FOCAD: variants seen among roughly 807,000 people sequenced by gnomAD.
FOCAD encodes KIAA1797.
Under a neutral mutation model 225.6 loss-of-function variants are expected in FOCAD, and 198 were observed. The observed-to-expected ratio is 0.88, with a 90% CI of 0.78 to 0.99. FOCAD has a LOEUF of 0.99. Ranked by LOEUF, FOCAD falls within the 50% of genes least tolerant of loss-of-function variation. The pLI is 0.00. For missense variants in FOCAD, 2,713 were observed against 2,123.6 expected, an observed-to-expected ratio of 1.28 and a Z score of -5.46; for synonymous variants, 897 against 755.0, an observed-to-expected ratio of 1.19 and a Z score of -3.08.
chr9:20,730,836 TCTTA>T (rs1215273437), intron 4 of FOCAD, among the ~76,000 whole-genome samples: 3 of 152,180 alleles, frequency 2.0e-5, no homozygotes, highest in Non-Finnish European at 4.4e-5. Flanking sequence ...AATATTTCTC[TCTTA>T]CTTTTCTTAT....
chr9:20,829,646 T>C (rs909985910), intron 15 of FOCAD, among the ~76,000 whole-genome samples: 1 of 152,102 alleles, frequency 6.6e-6, no homozygotes, highest in African/African-American at 2.4e-5. Flanking sequence ...CTGATGCCTC[T>C]AAGTAAGAGA....
At chr9:20,742,218 C>T (rs777779271) in intron 5 of FOCAD, among the ~76,000 whole-genome samples, 2 of 152,138 alleles carry the variant, frequency 1.3e-5, no homozygotes, top group Non-Finnish European at 2.9e-5. Flanking sequence ...AACATGGTAA[C>T]GATCAAATAC....
chr9:20,956,598 C>T (rs1478126122), intron 35 of FOCAD, among the ~76,000 whole-genome samples: 1 of 152,104 alleles, frequency 6.6e-6, no homozygotes, highest in African/African-American at 2.4e-5. Context: ...ATAACTAGCA[C>T]CCATGTCTTC....
intron 37 of FOCAD, 125 bp downstream of exon 37, chr9:20,978,579 G>A: frequency 1.7e-6 from 1 of 571,908 alleles, no homozygotes; most frequent in Non-Finnish European, 2.9e-6. Flanking sequence ...AAAAATCGAG[G>A]GTTTGATAGT....
chr9:20,820,389 C>T lies in FOCAD; in HGVS notation c.1626C>T (p.Val542=), dbSNP rs748185316. 1 of 1,612,884 alleles carries T rather than the reference C, an allele frequency of 6.2e-7. No homozygotes were observed. Among genetic ancestry groups the T allele is most frequent in the Non-Finnish European group, 8.5e-7 (1 of 1,179,314 alleles). Residue 542 remains valine, a synonymous_variant, in exon 13 of 44, where the codon GTC becomes GTT. Coordinates refer to ENST00000338382, the MANE Select transcript of FOCAD (RefSeq NM_001375567.1). ...LLGTTPRLRA[V]TLRLLTSLWE... ...GAACCACACCACGACTAAGAGCTGT[C>T]ACTTTGCGCTTGCTGACATCTTTGT...
chr9:20,959,478 C>T (rs1838501992), intron 35 of FOCAD, among the ~76,000 whole-genome samples: 1 of 152,080 alleles, frequency 6.6e-6, no homozygotes, highest in South Asian at 2.1e-4. Flanking sequence ...TTTCTCCATT[C>T]CACAGGTTGT....
intron 27 of FOCAD, 73 bp downstream of exon 27, chr9:20,929,669 C>T (rs773702113): frequency 2.7e-5 from 33 of 1,221,968 alleles, no homozygotes; most frequent in Non-Finnish European, 3.9e-5. Flanking sequence ...CCATATGCAC[C>T]TATATATAAA....
intron 12 of FOCAD, 66 bp downstream of exon 12, chr9:20,819,966 T>C (rs1325333472): frequency 2.0e-5 from 20 of 1,006,026 alleles, no homozygotes; most frequent in East Asian, 1.9e-4. Context: ...GAATTCTTTT[T>C]GGTATTATGA....
At chr9:20,991,552 C>T (rs1419943118) in intron 42 of FOCAD, among the ~76,000 whole-genome samples, 1 of 152,166 alleles carries the variant, frequency 6.6e-6, no homozygotes, top group East Asian at 1.9e-4. Flanking sequence ...GTGGCTCACA[C>T]CTAGAATCCC....
chr9:20,964,728 C>T (rs201895203), intron 35 of FOCAD, among the ~76,000 whole-genome samples: 1 of 152,034 alleles, frequency 6.6e-6, no homozygotes, highest in Admixed American at 6.5e-5. Flanking sequence ...TAGAGACAGG[C>T]TTTCACCATG....
chr9:20,806,140 G>A (rs901253341), intron 11 of FOCAD, among the ~76,000 whole-genome samples: 3 of 152,166 alleles, frequency 2.0e-5, no homozygotes, highest in African/African-American at 4.8e-5. Flanking sequence ...ACCATTTAGT[G>A]TGTACCAAAT....
intron 35 of FOCAD, among the ~76,000 whole-genome samples, chr9:20,967,541 C>T (rs534201723): frequency 1.3e-5 from 2 of 152,154 alleles, no homozygotes; most frequent in Admixed American, 6.5e-5. Context: ...ACATCCAGTA[C>T]AAAGTGGTGA....
intron 5 of FOCAD, among the ~76,000 whole-genome samples, chr9:20,754,707 T>C (rs1300875679): frequency 6.6e-6 from 1 of 152,152 alleles, no homozygotes; most frequent in Admixed American, 6.6e-5. Flanking sequence ...TTGATTGTCA[T>C]GACTAGGAGA....
chr9:20,722,582 A>G (rs908690904), intron 4 of FOCAD, among the ~76,000 whole-genome samples: 1 of 152,256 alleles, frequency 6.6e-6, no homozygotes, highest in African/African-American at 2.4e-5. Flanking sequence ...ATATTTCTGA[A>G]TAAGTGAAGG....
At chr9:20,904,386 T>G (rs1008738346) in intron 21 of FOCAD, among the ~76,000 whole-genome samples, 1 of 151,966 alleles carries the variant, frequency 6.6e-6, no homozygotes, top group African/African-American at 2.4e-5. Context: ...AGCACTTACT[T>G]TGGTCTTTAC....
At chr9:20,853,018 G>C (rs931250739) in intron 15 of FOCAD, among the ~76,000 whole-genome samples, 1 of 151,594 alleles carries the variant, frequency 6.6e-6, no homozygotes, top group East Asian at 1.9e-4. Flanking sequence ...GATTATTGTG[G>C]GGGAATAAAG....
chr9:20,789,095 T>G (rs908599095), intron 10 of FOCAD, among the ~76,000 whole-genome samples: 16 of 152,182 alleles, frequency 1.1e-4, no homozygotes, highest in African/African-American at 3.9e-4. Context: ...ATATTCTGCC[T>G]TAATGGGGAA....
At chr9:20,939,140 A>G (rs562987820) in intron 28 of FOCAD, among the ~76,000 whole-genome samples, 1 of 146,000 alleles carries the variant, frequency 6.8e-6, no homozygotes, top group African/African-American at 2.6e-5. Flanking sequence ...ACAGAGCGAG[A>G]CTCTCTTCTC....
intron 26 of FOCAD, among the ~76,000 whole-genome samples, chr9:20,927,013 T>C (rs1215668141): frequency 9.6e-6 from 1 of 104,126 alleles, no homozygotes; most frequent in Non-Finnish European, 2.2e-5. Flanking sequence ...GAAATATATA[T>C]GTATAGACAT....
Sources: allele counts gnomAD v4.1 joint callset (sites outside exome capture counted in the v4.1 genomes callset), GRCh38; gene constraint gnomAD v4.1.1; transcripts MANE v1.5; gene names NCBI Gene and HGNC (gene_info 2026-07-23, HGNC 2026-07-21).